DRD2: variants seen among roughly 807,000 people sequenced by gnomAD.
DRD2 encodes the protein dopamine receptor D2.
Under a neutral mutation model 38.0 loss-of-function variants are expected in DRD2, and 8 were observed. That is an observed-to-expected ratio of 0.21 (90% CI 0.12 to 0.38). The LOEUF is 0.38. DRD2 is among the 10% of genes least tolerant of loss of function. The pLI is 1.00. For missense variants in DRD2, 403 were observed against 607.7 expected (o/e 0.66, Z 3.54); for synonymous variants, 230 against 238.6 (o/e 0.96, Z 0.33).
intron 1 of DRD2, among the ~76,000 whole-genome samples, chr11:113,439,536 C>T (rs1324738651): frequency 6.6e-6 from 1 of 151,972 alleles, no homozygotes; most frequent in Non-Finnish European, 1.5e-5. Context: ...CTTCATTTTA[C>T]AGATTAAAAA....
At chr11:113,443,754 C>G (rs538668224) in intron 1 of DRD2, among the ~76,000 whole-genome samples, 98 of 151,962 alleles carry the variant, frequency 6.4e-4, no homozygotes, top group Non-Finnish European at 1.1e-3. Context: ...AAATATTGAT[C>G]CATGAAAACT....
chr11:113,418,293 G>C (rs146581145), intron 2 of DRD2, among the ~76,000 whole-genome samples, 157 bp from the exon 3 acceptor site: 15 of 152,250 alleles, frequency 9.9e-5, no homozygotes, highest in African/African-American at 2.6e-4. Flanking sequence ...ATGCCCATGG[G>C]TGTCTGAGGC....
chr11:113,414,077 G>A, intron 6 of DRD2: 1 of 430,146 alleles, frequency 2.3e-6, no homozygotes, highest in Non-Finnish European at 4.4e-6. Flanking sequence ...GTGAGGATTT[G>A]ATGAGATAAT....
rs67577307 is a variant in DRD2 at position 113,439,838 on chromosome 11, C to CAAAAA, written c.-31-15161_-31-15157dup. 4.9e-4 allele frequency among the ~76,000 whole-genome samples: 8 copies of CAAAAA among 16,258 alleles called. 3 individuals are homozygous for CAAAAA. The highest frequency in any genetic ancestry group is 0.012 in the East Asian group (2 of 166). 10.7% of individuals were successfully genotyped at this position (16,258 alleles called of 152,430 possible). A position where few individuals can be genotyped will look rare whatever the true frequency, so the allele number is the denominator to read the frequency against. On this transcript the variant is annotated intron_variant, in intron 1 of 7. Coordinates refer to ENST00000362072, the MANE Select transcript of DRD2 (RefSeq NM_000795.4). ...TGGGTGACAGAGGGAGGCTCTGTCT[C>CAAAAA]AAAAAAAAAAAAAAAAAAAAAAAAA...
chr11:113,410,739 G>A lies in DRD2; in HGVS notation c.1320C>T (p.Ile440=). 6.2e-7 allele frequency: 1 copy of A among 1,614,238 alleles called. No individual in the cohort carries two copies. ...GCAGGCAGCAGAGTCAGCAGTGGAG[G>A]ATCTTCAGGAAGGCCTTGCGGAACT... ...NIEFRKAFLK[I]LHC The change falls in exon 8 of 8, where the codon ATC becomes ATT. Residue 440 remains isoleucine (I), a synonymous_variant. Coordinates refer to ENST00000362072, the MANE Select transcript of DRD2 (RefSeq NM_000795.4).
Position 113,417,942 on chromosome 11 carries a change from G to A in DRD2, c.395+85C>T, listed in dbSNP as rs367901425. On this transcript the variant is annotated intron_variant, in intron 3 of 7. Coordinates refer to ENST00000362072, the MANE Select transcript of DRD2 (RefSeq NM_000795.4). ...GCCAGCTGCACAGCATCACAGACACGAGACACAGCCTGGCTTTGAGAAAAG... is the reference window on the plus strand; with the variant it reads ...GCCAGCTGCACAGCATCACAGACACAAGACACAGCCTGGCTTTGAGAAAAG... The A allele has an allele frequency of 3.6e-5, 40 of 1,098,144 alleles. No homozygotes were observed. In the East Asian group the frequency reaches 6.4e-4, roughly 18 times the overall value. 68.0% of individuals were successfully genotyped at this position (1,098,144 alleles called of 1,614,324 possible).
chr11:113,415,280 C>T, intron 5 of DRD2, 141 bp downstream of exon 5: 1 of 1,126,170 alleles, frequency 8.9e-7, no homozygotes, highest in South Asian at 2.2e-5. Flanking sequence ...AAAATCTGCC[C>T]TTGCCCGGCT....
At chr11:113,461,106 A>G (rs1951313931) in intron 1 of DRD2, among the ~76,000 whole-genome samples, 1 of 152,234 alleles carries the variant, frequency 6.6e-6, no homozygotes, top group African/African-American at 2.4e-5. Flanking sequence ...GCTGGGAGAT[A>G]TTACAGACAG....
chr11:113,413,820 T>G lies in DRD2; in HGVS notation c.810+555A>C, dbSNP rs527349313. ...TGTGCTTCCGCACCTGAGGGCTCTA[T>G]GTACACAAACTGCTCCGCCACCAGT... On this transcript the variant is annotated intron_variant, in intron 6 of 7. Transcript: ENST00000362072. 12 of 224,612 alleles carry G rather than the reference T, an allele frequency of 5.3e-5. No individual in the cohort carries two copies. The East Asian group carries it at 1.2e-3, about 23-fold the overall frequency. The allele number at this position is 224,612 out of a possible 1,614,324, so 13.9% of individuals were successfully genotyped here. A position where few individuals can be genotyped will look rare whatever the true frequency, so the allele number is the denominator to read the frequency against.
chr11:113,457,041 C>A (rs1187509136), intron 1 of DRD2, among the ~76,000 whole-genome samples: 1 of 152,166 alleles, frequency 6.6e-6, no homozygotes, highest in Non-Finnish European at 1.5e-5. Context: ...GAGGCAGCCA[C>A]CACCATAGGA....
chr11:113,453,330 C>G lies in DRD2; in HGVS notation c.-32+21746G>C, dbSNP rs2119921669. ...TATCTACCCCATTGGGGTAGTTGTA[C>G]AGATTGAGTTGTTGTAAATTTTCAA... is the stretch of plus-strand genomic sequence containing the variant. On this transcript the variant is annotated intron_variant, in intron 1 of 7. Coordinates refer to ENST00000362072, the MANE Select transcript of DRD2 (RefSeq NM_000795.4). 1.3e-5 allele frequency among the ~76,000 whole-genome samples: 2 copies of G among 152,224 alleles called. 1 individual carries two copies.
At chr11:113,413,367 C>T (rs1047151516) in intron 6 of DRD2, 2 of 522,670 alleles carry the variant, frequency 3.8e-6, no homozygotes, top group African/African-American at 3.8e-5. Context: ...GCTCCATATT[C>T]TCCTGGATAG....
intron 7 of DRD2, 83 bp from the exon 8 acceptor site, chr11:113,411,003 C>A: frequency 6.8e-7 from 1 of 1,462,662 alleles, no homozygotes; most frequent in African/African-American, 1.4e-5. Flanking sequence ...CGCCCTGGCT[C>A]GTATGCCAAG....
chr11:113,471,175 T>C (rs1951420716), intron 1 of DRD2, among the ~76,000 whole-genome samples: 1 of 152,222 alleles, frequency 6.6e-6, no homozygotes. Flanking sequence ...CCTGTACATT[T>C]AGATAATATG....
chr11:113,410,867 G>A lies in DRD2; in HGVS notation c.1192C>T (p.His398Tyr). Residue 398 changes from histidine to tyrosine, a missense_variant, in exon 8 of 8, where the codon CAC (histidine) becomes TAC (tyrosine). This residue lies in a region of DRD2 where 67 missense variants were observed against 136.1 expected (regional missense o/e 0.49). Transcript: ENST00000362072. ...PFFITHILNI[H>Y]CDCNIPPVLY... Reference sequence around the variant, plus strand: ...ACAGGCGGGATGTTGCAGTCACAGTGTATGTTCAGGATGTGTGTGATGAAG... The same window carrying A: ...ACAGGCGGGATGTTGCAGTCACAGTATATGTTCAGGATGTGTGTGATGAAG... 6.2e-7 allele frequency: 1 copy of A among 1,614,096 alleles called. No individual in the cohort carries two copies. Among genetic ancestry groups the A allele is most frequent in the Non-Finnish European group, 8.5e-7 (1 of 1,179,968 alleles).
chr11:113,417,917 G>T, intron 3 of DRD2, 110 bp downstream of exon 3: 1 of 863,404 alleles, frequency 1.2e-6, no homozygotes, highest in Non-Finnish European at 1.9e-6. Flanking sequence ...CATGCACACA[G>T]CCAGCTGCAC....
At chr11:113,466,241 G>A (rs981189949) in intron 1 of DRD2, among the ~76,000 whole-genome samples, 1 of 152,246 alleles carries the variant, frequency 6.6e-6, no homozygotes, top group Admixed American at 6.5e-5. Context: ...CTGTTACTGC[G>A]TTTGGAGGGT....
At chr11:113,439,838 CAAAAAAAAAAAAAAAAAAAAAAAAAA>C (rs67577307) in intron 1 of DRD2, among the ~76,000 whole-genome samples, 1 of 16,258 alleles carries the variant, frequency 6.2e-5, no homozygotes, top group Non-Finnish European at 9.5e-5. Flanking sequence ...GGCTCTGTCT[CAAAAAAAAAAAAAAAAAAAAAAAAAA>C]AAAAAAAAAA....
intron 4 of DRD2, 90 bp downstream of exon 4, chr11:113,416,773 C>T: frequency 6.4e-7 from 1 of 1,551,436 alleles, no homozygotes; most frequent in Admixed American, 1.9e-5. Context: ...CCACCCATAT[C>T]TGTGCCAGGG....
Sources: allele counts gnomAD v4.1 joint callset (sites outside exome capture counted in the v4.1 genomes callset), GRCh38; gene constraint gnomAD v4.1.1; regional missense constraint gnomAD v4.1.1; transcripts MANE v1.5; gene names NCBI Gene and HGNC (gene_info 2026-07-23, HGNC 2026-07-21).